The following AGBL4 variants were observed in gnomAD, a reference collection of about 807,000 sequenced individuals.
The protein encoded by AGBL4 is AGBL carboxypeptidase 4.
AGBL4 carries 58 observed loss-of-function variants against 66.4 expected under a neutral mutation model. The ratio of observed to expected loss-of-function variants is 0.87; its 90% confidence interval spans 0.71 to 1.09. AGBL4 has a LOEUF of 1.09. Ranked by LOEUF, AGBL4 falls within the 50% of genes least tolerant of loss-of-function variation. The pLI is 0.00. For synonymous variants in AGBL4, 234 were observed against 222.9 expected (o/e 1.05, Z -0.44); for missense variants, 579 against 631.0 (o/e 0.92, Z 0.88).
intron 5 of AGBL4, among the ~76,000 whole-genome samples, chr1:48,960,409 G>A (rs1454888068): frequency 6.6e-6 from 1 of 152,140 alleles, no homozygotes; most frequent in African/African-American, 2.4e-5. Context: ...GTATGATTCT[G>A]CAGTTCAGGA....
At chr1:48,557,156 C>A (rs1001367079) in intron 11 of AGBL4, among the ~76,000 whole-genome samples, 1 of 152,138 alleles carries the variant, frequency 6.6e-6, no homozygotes, top group African/African-American at 2.4e-5. Flanking sequence ...GCTTTGTTCA[C>A]CATAATTTCC....
intron 2 of AGBL4, among the ~76,000 whole-genome samples, chr1:49,811,262 A>T (rs1645095959): frequency 6.6e-6 from 1 of 152,162 alleles, no homozygotes; most frequent in Non-Finnish European, 1.5e-5. Flanking sequence ...AATCAGAATC[A>T]TCTGGGGTTG....
At chr1:49,720,997 G>C (rs1017336925) in intron 2 of AGBL4, among the ~76,000 whole-genome samples, 7 of 152,030 alleles carry the variant, frequency 4.6e-5, no homozygotes, top group African/African-American at 1.7e-4. Context: ...GGTAAAGTGG[G>C]GACTTGGAGA....
chr1:49,265,691 A>C (rs914157218), intron 3 of AGBL4, among the ~76,000 whole-genome samples: 24 of 152,250 alleles, frequency 1.6e-4, no homozygotes, highest in Admixed American at 3.3e-4. Context: ...GTGTTTAGGG[A>C]ACAATAAAAG....
intron 3 of AGBL4, among the ~76,000 whole-genome samples, chr1:49,633,174 G>A (rs1027498887): frequency 1.3e-5 from 2 of 152,038 alleles, no homozygotes; most frequent in Non-Finnish European, 2.9e-5. Flanking sequence ...AAATACATTA[G>A]CCAACACCAT....
chr1:49,862,246 T>C (rs1432755740), intron 1 of AGBL4, among the ~76,000 whole-genome samples: 1 of 151,776 alleles, frequency 6.6e-6, no homozygotes, highest in Non-Finnish European at 1.5e-5. Flanking sequence ...AAAAATGCAA[T>C]TGGCATACTG....
At chr1:48,578,911 C>A (rs1342576169) in intron 11 of AGBL4, among the ~76,000 whole-genome samples, 1 of 152,058 alleles carries the variant, frequency 6.6e-6, no homozygotes, top group Non-Finnish European at 1.5e-5. Context: ...CACAGTCTAG[C>A]TTTCTTTTCA....
intron 4 of AGBL4, among the ~76,000 whole-genome samples, chr1:49,062,193 T>C (rs1309094566): frequency 6.6e-6 from 1 of 152,124 alleles, no homozygotes; most frequent in East Asian, 1.9e-4. Flanking sequence ...CTGTCTTCCA[T>C]AAAATGGGTT....
At chr1:49,339,776 G>A (rs1645502160) in intron 3 of AGBL4, among the ~76,000 whole-genome samples, 2 of 152,078 alleles carry the variant, frequency 1.3e-5, no homozygotes, top group African/African-American at 2.4e-5. Flanking sequence ...ATCTATACAG[G>A]TATAGAGCTA....
intron 4 of AGBL4, among the ~76,000 whole-genome samples, chr1:49,155,031 CA>C (rs1646404009): frequency 6.6e-6 from 1 of 152,174 alleles, no homozygotes; most frequent in African/African-American, 2.4e-5. Context: ...TTCTTTAAAA[CA>C]GTGCACTCTT....
intron 1 of AGBL4, among the ~76,000 whole-genome samples, chr1:49,906,059 G>C (rs1378821211): frequency 2.0e-5 from 3 of 151,382 alleles, no homozygotes; most frequent in Non-Finnish European, 4.4e-5. Flanking sequence ...ATTGTTGCTA[G>C]TATTATTTCA....
chr1:49,284,323 G>A (rs1382367357), intron 3 of AGBL4, among the ~76,000 whole-genome samples: 3 of 151,558 alleles, frequency 2.0e-5, no homozygotes, highest in African/African-American at 7.3e-5. Context: ...AGCAAATGCT[G>A]AGAGATTTTG....
chr1:49,740,268 G>C (rs148189802), intron 2 of AGBL4, among the ~76,000 whole-genome samples: 19 of 152,172 alleles, frequency 1.2e-4, no homozygotes, highest in Admixed American at 1.2e-3. Flanking sequence ...TGATAAAACA[G>C]ACTTTAAACC....
At chr1:48,624,669 G>A (rs1479448302) in intron 9 of AGBL4, among the ~76,000 whole-genome samples, 2 of 152,322 alleles carry the variant, frequency 1.3e-5, no homozygotes, top group Non-Finnish European at 2.9e-5. Flanking sequence ...GCAGGGAGGT[G>A]AAGGTAGATC....
chr1:49,959,857 A>G (rs1227268680), intron 1 of AGBL4, among the ~76,000 whole-genome samples: 1 of 152,142 alleles, frequency 6.6e-6, no homozygotes, highest in East Asian at 1.9e-4. Flanking sequence ...AGCTATAAAA[A>G]GAATGAGATC....
chr1:49,776,124 G>A (rs1034618604), intron 2 of AGBL4, among the ~76,000 whole-genome samples: 1 of 152,110 alleles, frequency 6.6e-6, no homozygotes, highest in Non-Finnish European at 1.5e-5. Context: ...AAAGTGGTGT[G>A]ATCAGGAATC....
intron 4 of AGBL4, among the ~76,000 whole-genome samples, chr1:49,078,022 C>T (rs990097485): frequency 5.9e-5 from 9 of 152,128 alleles, no homozygotes; most frequent in Admixed American, 2.6e-4. Flanking sequence ...GGTTAAACAA[C>T]TTCCCTAAGG....
chr1:49,146,055 C>A (rs1484017981), intron 4 of AGBL4, among the ~76,000 whole-genome samples: 1 of 151,992 alleles, frequency 6.6e-6, no homozygotes, highest in Non-Finnish European at 1.5e-5. Context: ...TCTAAAAATC[C>A]AAACAATTGA....
At chr1:48,623,396 A>G (rs577689725) in intron 9 of AGBL4, among the ~76,000 whole-genome samples, 9 of 152,312 alleles carry the variant, frequency 5.9e-5, no homozygotes, top group African/African-American at 1.9e-4. Context: ...GAGTTGGGAG[A>G]TGGGCATTAG....
Sources: allele counts gnomAD v4.1 joint callset (sites outside exome capture counted in the v4.1 genomes callset), GRCh38; gene constraint gnomAD v4.1.1; transcripts MANE v1.5; gene names NCBI Gene and HGNC (gene_info 2026-07-23, HGNC 2026-07-21).